The following CLCA2 variants were observed in gnomAD, a reference collection of about 807,000 sequenced individuals.
The protein encoded by CLCA2 is chloride channel accessory 2.
A neutral mutation model predicts 82.9 loss-of-function variants in CLCA2; 85 were observed. The observed-to-expected ratio is 1.03, with a 90% CI of 0.86 to 1.23. CLCA2 has a LOEUF of 1.23. CLCA2 is among the 50% of genes most tolerant of loss of function. The probability of loss-of-function intolerance (pLI) is 0.00; values close to 1 mark genes in which losing one functional copy is unlikely to be tolerated. For synonymous variants in CLCA2, 421 were observed against 391.7 expected (o/e 1.07, Z -0.88); for missense variants, 1,089 against 1,124.8 (o/e 0.97, Z 0.45).
chr1:86,442,769 TAAATGCAGGGGCTC>T (rs1227512511), intron 9 of CLCA2, among the ~76,000 whole-genome samples: 59 of 152,358 alleles, frequency 3.9e-4, no homozygotes, highest in African/African-American at 1.0e-3. Flanking sequence ...ACGCAGTAAT[TAAATGCAGGGGCTC>T]TGGTGTCAGG....
Position 86,453,361 on chromosome 1 carries a change from T to C in CLCA2, c.2156-8T>C, listed in dbSNP as rs1462722789. 5 of 1,603,272 alleles carry C rather than the reference T, an allele frequency of 3.1e-6. No individual in the cohort carries two copies. Among genetic ancestry groups the C allele is most frequent in the Non-Finnish European group, 4.3e-6 (5 of 1,174,986 alleles). The stretch of plus-strand genomic sequence containing the variant: ...TCATTTTGCCTTTTTTTTTCTTTTT[T>C]GTCTCAGGTAATATTCAGATGAATG... On this transcript the variant is annotated splice_region_variant and splice_polypyrimidine_tract_variant and intron_variant, in intron 12 of 13. Coordinates refer to ENST00000370565, the MANE Select transcript of CLCA2 (RefSeq NM_006536.7).
chr1:86,430,270 A>C (rs7415758), intron 3 of CLCA2, among the ~76,000 whole-genome samples: 1 of 151,898 alleles, frequency 6.6e-6, no homozygotes, highest in East Asian at 1.9e-4. Context: ...TGTAAAATAC[A>C]CATAAACATG....
chr1:86,442,925 A>C (rs1214153798), intron 9 of CLCA2, among the ~76,000 whole-genome samples: 1 of 152,250 alleles, frequency 6.6e-6, no homozygotes, highest in Non-Finnish European at 1.5e-5. Flanking sequence ...TATAAGGATC[A>C]AGTGAGATTG....
At chr1:86,446,452 C>G (rs768890162) in intron 10 of CLCA2, among the ~76,000 whole-genome samples, 3 of 152,084 alleles carry the variant, frequency 2.0e-5, no homozygotes, top group Non-Finnish European at 2.9e-5. Context: ...ACCTCTTGGT[C>G]TGGATTAGAT....
chr1:86,455,370 C>A lies in CLCA2; in HGVS notation c.2675C>A (p.Ser892Tyr). The A allele has an allele frequency of 6.2e-7, 1 of 1,612,220 alleles. No homozygotes were observed. The highest frequency in any genetic ancestry group is 1.3e-5 in the African/African-American group (1 of 74,958). The part of the protein sequence containing the change: ...AQAPLFIPPN[S>Y]DPVPARDYLI... ...GCGCCTCTGTTTATTCCCCCCAATT[C>A]TGATCCTGTACCTGCCAGAGATTAT... The change falls in exon 14 of 14, where the codon TCT becomes TAT. Residue 892 changes from serine to tyrosine, a missense_variant. Ser to Tyr is a moderately radical substitution (Grantham distance 144). Coordinates refer to ENST00000370565, the MANE Select transcript of CLCA2 (RefSeq NM_006536.7).
intron 2 of CLCA2, among the ~76,000 whole-genome samples, chr1:86,427,442 TG>T (rs1662410411): frequency 6.6e-6 from 1 of 151,992 alleles, no homozygotes; most frequent in Non-Finnish European, 1.5e-5. Flanking sequence ...TTATACTCAT[TG>T]AAAAAAATTA....
At chr1:86,440,009 T>C (rs1570260549) in intron 7 of CLCA2, 139 bp from the exon 8 acceptor site, 6 of 737,894 alleles carry the variant, frequency 8.1e-6, no homozygotes, top group East Asian at 7.8e-5. Context: ...AGTGCTGTGA[T>C]GGGGTGAGGT....
chr1:86,446,439 C>T (rs1314858777), intron 10 of CLCA2, among the ~76,000 whole-genome samples: 1 of 152,136 alleles, frequency 6.6e-6, no homozygotes, highest in East Asian at 1.9e-4. Flanking sequence ...CTCCCCTTGC[C>T]TGACCTCTTG....
At chr1:86,438,846 C>T (rs1232672204) in intron 6 of CLCA2, 30 bp from the exon 7 acceptor site, 2 of 1,593,616 alleles carry the variant, frequency 1.3e-6, no homozygotes, top group Middle Eastern at 1.7e-4. Context: ...CCAAATGTTG[C>T]CATTTTCTTT....
chr1:86,450,741 C>T lies in CLCA2; in HGVS notation c.2155+8C>T. 1.3e-6 allele frequency: 2 copies of T among 1,581,018 alleles called. No individual in the cohort carries two copies. The highest frequency in any genetic ancestry group is 1.7e-6 in the Non-Finnish European group (2 of 1,161,368). ...CAGGTTACACAGCAAACGGTAAGAA[C>T]CATTAGCACTGTTATTTGAGTAACA... is the stretch of plus-strand genomic sequence containing the variant. On this transcript the variant is annotated splice_region_variant and intron_variant, in intron 12 of 13. Transcript: ENST00000370565.
At chr1:86,448,911 A>G (rs1028435326) in intron 11 of CLCA2, among the ~76,000 whole-genome samples, 5 of 152,142 alleles carry the variant, frequency 3.3e-5, no homozygotes, top group African/African-American at 1.2e-4. Context: ...CTCTTGCCCC[A>G]CCCTGTGGGC....
intron 12 of CLCA2, 97 bp from the exon 13 acceptor site, chr1:86,453,272 G>GA (rs1663009841): frequency 1.2e-6 from 1 of 815,636 alleles, no homozygotes; most frequent in Non-Finnish European, 1.9e-6. Context: ...ATGTAGTAAA[G>GA]AAAAAAAGGT....
chr1:86,449,111 G>A (rs986278405), intron 11 of CLCA2, among the ~76,000 whole-genome samples: 4 of 152,118 alleles, frequency 2.6e-5, no homozygotes, highest in Non-Finnish European at 4.4e-5. Context: ...TACTTAACAC[G>A]CATGTACATA....
intron 4 of CLCA2, 66 bp downstream of exon 4, chr1:86,431,036 C>A: frequency 8.8e-7 from 1 of 1,142,790 alleles, no homozygotes; most frequent in Non-Finnish European, 1.3e-6. Context: ...ATAACTTAAG[C>A]AATTAAATAA....
intron 5 of CLCA2, among the ~76,000 whole-genome samples, chr1:86,434,263 T>A (rs1031355417): frequency 2.6e-5 from 4 of 152,186 alleles, no homozygotes; most frequent in African/African-American, 9.7e-5. Flanking sequence ...ACATACATGG[T>A]TTGTTATCTA....
At chr1:86,447,925 C>T in intron 11 of CLCA2, 147 bp downstream of exon 11, 1 of 788,958 alleles carries the variant, frequency 1.3e-6, no homozygotes, top group Middle Eastern at 3.7e-4. Flanking sequence ...TATAGAGTCA[C>T]TGATATACTG....
chr1:86,430,791 G>A (rs567594812), intron 3 of CLCA2, 71 bp from the exon 4 acceptor site: 32 of 1,087,812 alleles, frequency 2.9e-5, no homozygotes, highest in South Asian at 5.1e-5. Context: ...GAAATGTTAC[G>A]TCTTCACTAG....
At chr1:86,447,385 T>C in intron 10 of CLCA2, 123 bp from the exon 11 acceptor site, 1 of 950,950 alleles carries the variant, frequency 1.1e-6, no homozygotes, top group Non-Finnish European at 1.6e-6. Flanking sequence ...CTTTTTGTAG[T>C]ATTTTAAAAA....
At chr1:86,454,951 T>A in intron 13 of CLCA2, 134 bp from the exon 14 acceptor site, 1 of 519,726 alleles carries the variant, frequency 1.9e-6, no homozygotes, top group Non-Finnish European at 3.3e-6. Flanking sequence ...AAGTTTTGCT[T>A]GTATTCATAT....
Sources: allele counts gnomAD v4.1 joint callset (sites outside exome capture counted in the v4.1 genomes callset), GRCh38; gene constraint gnomAD v4.1.1; transcripts MANE v1.5; gene names NCBI Gene and HGNC (gene_info 2026-07-23, HGNC 2026-07-21).